Variants in ELP2 observed in about 807,000 individuals in gnomAD.
ELP2 encodes elongator acetyltransferase complex subunit 2.
Under a neutral mutation model 119.2 loss-of-function variants are expected in ELP2, and 90 were observed. That is an observed-to-expected ratio of 0.75 (90% CI 0.64 to 0.90). The LOEUF (loss-of-function observed/expected upper bound fraction) is 0.90, where lower values mean the gene tolerates loss of function less well. ELP2 is among the 40% of genes least tolerant of loss of function. The pLI is 0.00. For missense variants in ELP2, 921 were observed against 967.8 expected (o/e 0.95, Z 0.64); for synonymous variants, 339 against 331.0 (o/e 1.02, Z -0.26).
chr18:36,161,702 TATG>T lies in ELP2; in HGVS notation c.1761+704_1761+706del, dbSNP rs539136913. Among the ~76,000 whole-genome samples the T allele has an allele frequency of 1.4e-4, 22 of 152,308 alleles. 1 individual carries two copies. Among genetic ancestry groups the T allele is most frequent in the Admixed American group, 1.4e-3 (21 of 15,302 alleles). On this transcript the variant is annotated intron_variant, in intron 17 of 21. Coordinates refer to ENST00000358232, the MANE Select transcript of ELP2 (RefSeq NM_018255.4). ...CTGAAATTTATTTACTTGTTTTAAA[TATG>T]ATGATAAGAGCCGCCCACCTGCATG...
Position 36,164,537 on chromosome 18 carries a change from G to T in ELP2, c.1824G>T (p.Gln608His), listed in dbSNP as rs1317640172. The T allele has an allele frequency of 6.2e-7, 1 of 1,614,134 alleles. No homozygotes were observed. The highest frequency in any genetic ancestry group is 1.7e-5 in the Admixed American group (1 of 60,016). The change falls in exon 18 of 22, where the codon CAG becomes CAT. Residue 608 changes from glutamine (Q) to histidine (H), a missense_variant. By Grantham distance (24) the Gln-to-His change is conservative. Coordinates refer to ENST00000358232, the MANE Select transcript of ELP2 (RefSeq NM_018255.4). ...LWNTTSWKQV[Q>H]NLVFHSLTVT... The stretch of plus-strand genomic sequence containing the variant: ...ACACTACATCTTGGAAACAGGTGCA[G>T]AATTTAGTTTTCCACAGTTTGACAG...
At chr18:36,141,294 TTCTAA>T in intron 6 of ELP2, 93 bp downstream of exon 6, 9 of 1,128,162 alleles carry the variant, frequency 8.0e-6, no homozygotes, top group Non-Finnish European at 1.2e-5. Flanking sequence ...TTAGGGAATG[TTCTAA>T]TCTAAACCAA....
At chr18:36,142,492 C>A in intron 7 of ELP2, 145 bp downstream of exon 7, 1 of 722,988 alleles carries the variant, frequency 1.4e-6, no homozygotes, top group Non-Finnish European at 2.4e-6. Flanking sequence ...GGATGCTTAT[C>A]TCTTCTGTTG....
In ELP2 at chr18:36,177,701, T is replaced by C. The variant is rs1052668015; in HGVS notation, c.*3060T>C. On this transcript the variant is annotated 3_prime_UTR_variant, in exon 22 of 22. Transcript: ENST00000358232. The stretch of plus-strand genomic sequence containing the variant: ...GCATGGTAAACACCATTTCCCAGGA[T>C]GTAAATCGGTACTAAAAAAAAAGTG... 3.9e-5 allele frequency: 6 copies of C among 152,108 alleles called. No homozygotes were observed. The highest frequency in any genetic ancestry group is 1.4e-4 in the African/African-American group (6 of 41,416). 9.4% of individuals were successfully genotyped at this position (152,108 alleles called of 1,614,324 possible).
At chr18:36,154,630 C>T (rs976883099) in intron 11 of ELP2, among the ~76,000 whole-genome samples, 3 of 152,116 alleles carry the variant, frequency 2.0e-5, no homozygotes, top group Non-Finnish European at 2.9e-5. Context: ...GGGAAATTTC[C>T]CACAGTTACT....
intron 20 of ELP2, 87 bp downstream of exon 20, chr18:36,170,283 C>G (rs1391915261): frequency 6.6e-7 from 1 of 1,522,386 alleles, no homozygotes; most frequent in African/African-American, 1.4e-5. Context: ...GTGAATTCTC[C>G]TAGCCTCTGA....
intron 17 of ELP2, among the ~76,000 whole-genome samples, chr18:36,163,517 C>G (rs1288827078): frequency 6.6e-6 from 1 of 151,292 alleles, no homozygotes; most frequent in Non-Finnish European, 1.5e-5. Context: ...TTTCTTATAT[C>G]TAGTCTTTGA....
chr18:36,155,037 A>G (rs2090523404), intron 12 of ELP2, 38 bp downstream of exon 12: 2 of 1,537,056 alleles, frequency 1.3e-6, no homozygotes, highest in East Asian at 2.3e-5. Context: ...TTTTCTTGGG[A>G]CAGAGTTTCA....
chr18:36,149,026 A>G (rs1282296829), intron 11 of ELP2, among the ~76,000 whole-genome samples: 1 of 152,216 alleles, frequency 6.6e-6, no homozygotes, highest in Non-Finnish European at 1.5e-5. Context: ...TATTATATAC[A>G]ACTTCACTTT....
rs2090157984 is a variant in ELP2 at position 36,145,140 on chromosome 18, A to G, written c.892+106A>G. The G allele has an allele frequency of 3.7e-5, 31 of 845,840 alleles. 1 individual carries two copies. The South Asian group carries it at 4.0e-4, about 11-fold the overall frequency. 52.4% of individuals were successfully genotyped at this position (845,840 alleles called of 1,614,324 possible). ...TTTTTTACTGTGATTAGAAATCTCA[A>G]ATACATGACATTTTCAAGTTGACAA... On this transcript the variant is annotated intron_variant, in intron 9 of 21. Coordinates refer to ENST00000358232, the MANE Select transcript of ELP2 (RefSeq NM_018255.4).
At chr18:36,161,780 T>G (rs17563651) in intron 17 of ELP2, among the ~76,000 whole-genome samples, 10,442 of 152,270 alleles carry the variant, frequency 0.069, 441 homozygotes, top group Middle Eastern at 0.095. Context: ...ATCTGCATTT[T>G]GGACATCATA....
chr18:36,164,600 ACTAG>A lies in ELP2; in HGVS notation c.1890_1893del (p.Ala631PhefsTer92), dbSNP rs2090838219. On this transcript the variant is annotated frameshift_variant, in exon 18 of 22. Coordinates refer to ENST00000358232, the MANE Select transcript of ELP2 (RefSeq NM_018255.4). LOFTEE classifies it high-confidence loss of function. Reference sequence around the variant, plus strand: ...CCTTCTCACCTAATGAGAAGTTCTTACTAGCTGTTTCCAGAGATCGAACCTGGTC... The same window carrying A: ...CCTTCTCACCTAATGAGAAGTTCTTACTGTTTCCAGAGATCGAACCTGGTC... The A allele has an allele frequency of 6.2e-7, 1 of 1,614,152 alleles. No individual in the cohort carries two copies. The highest frequency in any genetic ancestry group is 1.7e-5 in the Admixed American group (1 of 60,024).
chr18:36,173,771 AG>A (rs1850314463), intron 21 of ELP2, among the ~76,000 whole-genome samples: 2 of 152,222 alleles, frequency 1.3e-5, no homozygotes, highest in Non-Finnish European at 2.9e-5. Flanking sequence ...AAACCTACTT[AG>A]GTTTTTCACT....
intron 17 of ELP2, among the ~76,000 whole-genome samples, chr18:36,163,275 G>GTGTGTGTGTGTGTGTGTGTGTGTGT (rs1555644860): frequency 4.1e-5 from 6 of 145,484 alleles, no homozygotes; most frequent in Admixed American, 2.8e-4. Context: ...GTTCATGGGG[G>GTGTGTGTGTGTGTGTGTGTGTGTGT]GTGTGTGTGT....
rs1452524074 is a variant in ELP2 at position 36,176,572 on chromosome 18, A to G, written c.*1931A>G. The G allele has an allele frequency of 1.3e-5, 2 of 152,246 alleles. No individual in the cohort carries two copies. Among genetic ancestry groups the G allele is most frequent in the African/African-American group, 4.8e-5 (2 of 41,472 alleles). The allele number at this position is 152,246 out of a possible 1,614,324, so 9.4% of individuals were successfully genotyped here. A position where few individuals can be genotyped will look rare whatever the true frequency, so the allele number is the denominator to read the frequency against. On this transcript the variant is annotated 3_prime_UTR_variant, in exon 22 of 22. Coordinates refer to ENST00000358232, the MANE Select transcript of ELP2 (RefSeq NM_018255.4). The stretch of plus-strand genomic sequence containing the variant: ...TGTCAGTTTTCCCAAATTGTCCTCA[A>G]GCATCTTCCTCTGGAATCACCTTAC...
Position 36,146,045 on chromosome 18 carries a change from A to G in ELP2, c.990A>G (p.Glu330=), listed in dbSNP as rs138716108. The G allele has an allele frequency of 1.2e-6, 2 of 1,613,520 alleles. No individual in the cohort carries two copies. Among genetic ancestry groups the G allele is most frequent in the African/African-American group, 2.7e-5 (2 of 74,920 alleles). Residue 330 remains glutamate, a synonymous_variant, in exon 10 of 22, where the codon GAA becomes GAG. Transcript: ENST00000358232. ...APDEESGVWL[E]QVRVGEVGGN... is the part of the protein sequence containing the mutation. The stretch of plus-strand genomic sequence containing the variant: ...ATGAAGAGTCAGGAGTTTGGCTAGA[A>G]CAGGTAAAAATGTTGGATATTTAAG...
intron 11 of ELP2, among the ~76,000 whole-genome samples, chr18:36,151,006 C>A (rs185757277): frequency 1.3e-5 from 2 of 151,930 alleles, no homozygotes; most frequent in African/African-American, 4.8e-5. Context: ...GACTCCAGCC[C>A]TTTTGTCAGT....
chr18:36,154,977 G>A lies in ELP2; in HGVS notation c.1253G>A (p.Trp418Ter). Residue 418 changes from tryptophan (W) to a stop codon, truncating the protein, a stop_gained, in exon 12 of 22, where the codon TGG becomes TAG. Transcript: ENST00000358232. LOFTEE classifies it high-confidence loss of function. ...TDQTTRLFAP[W>*]KRKDQSQVTW... is the part of the protein sequence containing the mutation. ...CAGACAACTAGACTTTTTGCTCCAT[G>A]GAAGAGAAAAGACCAATCACAGGTA... is the stretch of plus-strand genomic sequence containing the variant. 6.2e-7 allele frequency: 1 copy of A among 1,613,728 alleles called. No individual in the cohort carries two copies. The highest frequency in any genetic ancestry group is 8.5e-7 in the Non-Finnish European group (1 of 1,179,674).
intron 12 of ELP2, 36 bp downstream of exon 12, chr18:36,155,035 G>A (rs369248578): frequency 5.1e-6 from 8 of 1,570,480 alleles, no homozygotes; most frequent in African/African-American, 1.4e-5. Flanking sequence ...TTTTTTCTTG[G>A]GACAGAGTTT....
Sources: allele counts gnomAD v4.1 joint callset (sites outside exome capture counted in the v4.1 genomes callset), GRCh38; gene constraint gnomAD v4.1.1; transcripts MANE v1.5; gene names NCBI Gene and HGNC (gene_info 2026-07-23, HGNC 2026-07-21).